SV2C: variants seen among roughly 807,000 people sequenced by gnomAD.
The protein encoded by SV2C is solute carrier family 22 member B3.
In SV2C, 49 loss-of-function variants were observed where a neutral mutation model predicts 79.7. The observed-to-expected ratio is 0.61, with a 90% CI of 0.49 to 0.78. SV2C has a LOEUF of 0.78. SV2C is among the 30% of genes least tolerant of loss of function. The probability of loss-of-function intolerance (pLI) is 0.00; values close to 1 mark genes in which losing one functional copy is unlikely to be tolerated. For synonymous variants in SV2C, 334 were observed against 333.2 expected (o/e 1.00, Z -0.03); for missense variants, 833 against 912.9 (o/e 0.91, Z 1.13).
At chr5:76,212,361 C>G (rs1221151630) in intron 4 of SV2C, among the ~76,000 whole-genome samples, 1 of 152,190 alleles carries the variant, frequency 6.6e-6, no homozygotes, top group Non-Finnish European at 1.5e-5. Flanking sequence ...GGTAGGTAGC[C>G]AGAAGTGCTG....
At chr5:76,186,623 C>T (rs780849707) in intron 2 of SV2C, among the ~76,000 whole-genome samples, 10 of 152,124 alleles carry the variant, frequency 6.6e-5, no homozygotes, top group Admixed American at 2.0e-4. Flanking sequence ...ATCCAGGAGG[C>T]GGTGGTTGCA....
At chr5:75,942,170 G>A in the SV2C span, among the ~76,000 whole-genome samples, 8 of 152,330 alleles carry the variant, frequency 5.3e-5, no homozygotes, top group South Asian at 2.1e-4. Context: ...CATGGGGACC[G>A]AAGCTCCTAT....
At chr5:75,999,568 G>T in the SV2C span, among the ~76,000 whole-genome samples, 9 of 151,948 alleles carry the variant, frequency 5.9e-5, no homozygotes, top group Admixed American at 4.6e-4. Context: ...CAGTTTGAGA[G>T]CAGGAGAAGA....
intron 6 of SV2C, among the ~76,000 whole-genome samples, chr5:76,290,457 G>A (rs572528245): frequency 3.4e-4 from 52 of 152,308 alleles, no homozygotes; most frequent in Non-Finnish European, 5.4e-4. Flanking sequence ...TGATTAGCAG[G>A]AGAAGGCGGG....
In SV2C at chr5:76,266,799, A is replaced by G. The variant is rs567047891; in HGVS notation, c.914-18363A>G. 3.3e-4 allele frequency among the ~76,000 whole-genome samples: 51 copies of G among 152,340 alleles called. No individual in the cohort carries two copies. The South Asian group carries it at 0.01, about 30-fold the overall frequency. On this transcript the variant is annotated intron_variant, in intron 4 of 12. Coordinates refer to ENST00000502798, the MANE Select transcript of SV2C (RefSeq NM_014979.4). ...CACAGAATTATACAGTAAAAAAAAA[A>G]AAGGTTAAAATGGGAAGTTTCATGT...
Position 76,301,531 on chromosome 5 carries a change from C to T in SV2C, c.1986C>T (p.Tyr662=). 6.2e-7 allele frequency: 1 copy of T among 1,613,478 alleles called. No individual in the cohort carries two copies. Among genetic ancestry groups the T allele is most frequent in the African/African-American group, 1.3e-5 (1 of 74,960 alleles). The change falls in exon 12 of 13, where the codon TAC becomes TAT. Residue 662 remains tyrosine, a synonymous_variant. Coordinates refer to ENST00000502798, the MANE Select transcript of SV2C (RefSeq NM_014979.4). ...NSLDVVTVEL[Y]PTDRRATGFG... ...TTGACGTGGTCACTGTGGAACTGTA[C>T]CCCACAGACCGGAGGTATGTTGAAA...
At chr5:76,337,546 A>G (rs1478999227), downstream of SV2C, among the ~76,000 whole-genome samples, 4 of 152,180 alleles carry the variant, frequency 2.6e-5, no homozygotes, top group African/African-American at 9.7e-5. Context: ...TATACTGTGT[A>G]TAGAAGTTTG....
chr5:76,116,789 G>T (rs927058814), intron 1 of SV2C, among the ~76,000 whole-genome samples: 4 of 152,180 alleles, frequency 2.6e-5, no homozygotes, highest in African/African-American at 9.6e-5. Flanking sequence ...CATAATGCAG[G>T]TTGTTTTGAT....
At chr5:76,126,283 C>G (rs1460007090) in intron 1 of SV2C, among the ~76,000 whole-genome samples, 1 of 152,038 alleles carries the variant, frequency 6.6e-6, no homozygotes, top group Non-Finnish European at 1.5e-5. Context: ...ATTTTTGAAC[C>G]GTGATTTTTG....
At chr5:75,987,703 A>G in the SV2C span, among the ~76,000 whole-genome samples, 1 of 152,072 alleles carries the variant, frequency 6.6e-6, no homozygotes, top group African/African-American at 2.4e-5. Context: ...AAATAAAAGT[A>G]GGTTTGTTGT....
chr5:75,998,332 A>G, the SV2C span, among the ~76,000 whole-genome samples: 70,009 of 151,842 alleles, frequency 0.46, 16,961 homozygotes, highest in Middle Eastern at 0.63. Flanking sequence ...CCTAAAACTT[A>G]AAGTATGATA....
chr5:76,176,418 AAG>A (rs1210629719), intron 2 of SV2C, among the ~76,000 whole-genome samples: 1 of 152,104 alleles, frequency 6.6e-6, no homozygotes, highest in East Asian at 1.9e-4. Context: ...TCTTTCCTCT[AAG>A]AGCTAATTAA....
the SV2C span, among the ~76,000 whole-genome samples, chr5:75,937,820 C>A: frequency 2.6e-5 from 4 of 152,074 alleles, no homozygotes; most frequent in Admixed American, 2.0e-4. Flanking sequence ...CCATAACCAA[C>A]TGTAATTCTT....
intron 12 of SV2C, among the ~76,000 whole-genome samples, chr5:76,344,813 A>C (rs995428573): frequency 3.3e-5 from 5 of 152,202 alleles, no homozygotes; most frequent in African/African-American, 1.2e-4. Context: ...TTCTTTCTTA[A>C]TTTAGAATGA....
the SV2C span, among the ~76,000 whole-genome samples, chr5:76,058,847 G>A: frequency 1.3e-5 from 2 of 151,958 alleles, no homozygotes; most frequent in South Asian, 4.1e-4. Flanking sequence ...TATTATAATA[G>A]CCTTTTACAA....
chr5:76,102,062 T>C (rs1305292832), intron 1 of SV2C, among the ~76,000 whole-genome samples: 1 of 152,192 alleles, frequency 6.6e-6, no homozygotes, highest in Non-Finnish European at 1.5e-5. Flanking sequence ...TTTGTCCATC[T>C]TCATACCATT....
chr5:76,160,963 A>AC (rs1255943557), intron 2 of SV2C, among the ~76,000 whole-genome samples: 1 of 66,512 alleles, frequency 1.5e-5, no homozygotes, highest in Non-Finnish European at 2.5e-5. Flanking sequence ...CTTTGGAAAA[A>AC]ACTAGCAGTT....
At chr5:75,993,924 G>A in the SV2C span, among the ~76,000 whole-genome samples, 265 of 152,142 alleles carry the variant, frequency 1.7e-3, 1 homozygote, top group East Asian at 2.1e-3. Flanking sequence ...TTTAGAAGGG[G>A]ATGGAAAGCA....
the SV2C span, among the ~76,000 whole-genome samples, chr5:75,850,135 T>C: frequency 1.3e-5 from 2 of 152,320 alleles, no homozygotes; most frequent in Admixed American, 6.5e-5. Context: ...ATGTCCTACA[T>C]ATAAAATAAT....
Sources: gnomAD v4.1 joint callset for allele counts (sites outside exome capture counted in the v4.1 genomes callset) on GRCh38, gnomAD v4.1.1 for gene constraint, MANE v1.5 for transcripts, NCBI Gene and HGNC (gene_info 2026-07-23, HGNC 2026-07-21) for gene names.